TBC1D5: variants seen among roughly 807,000 people sequenced by gnomAD.
The protein encoded by TBC1D5 is TBC1 domain family, member 5.
In TBC1D5, 75 loss-of-function variants were observed where a neutral mutation model predicts 100.3. The observed-to-expected ratio is 0.75, with a 90% CI of 0.62 to 0.91. TBC1D5 has a LOEUF of 0.91. Among genes scored for constraint, TBC1D5 ranks in the 40% least tolerant of loss-of-function variants. The probability of loss-of-function intolerance (pLI) is 0.00; values close to 1 mark genes in which losing one functional copy is unlikely to be tolerated. For missense variants in TBC1D5, 910 were observed against 942.4 expected (o/e 0.97, Z 0.45); for synonymous variants, 323 against 325.6 (o/e 0.99, Z 0.09).
chr3:17,481,106 G>A (rs554959129), intron 3 of TBC1D5, among the ~76,000 whole-genome samples: 73 of 152,224 alleles, frequency 4.8e-4, no homozygotes, highest in African/African-American at 1.5e-3. Flanking sequence ...CCAAGCTTCC[G>A]GGTGCCATCA....
rs147314499 is a variant in TBC1D5 at position 17,410,080 on chromosome 3, GAC to G, written c.168-3556_168-3555del. Among the ~76,000 whole-genome samples the G allele has an allele frequency of 4.5e-3, 690 of 152,194 alleles. 9 individuals are homozygous for G. The East Asian group carries it at 0.063, about 14-fold the overall frequency. On this transcript the variant is annotated intron_variant, in intron 4 of 21. Transcript: ENST00000253692. ...AAGGCCTGGTTTCAGAGCTTCAAAGGACAGGCTGTTCTCTTGTTACAGGATAA... is the reference window on the plus strand; with the variant it reads ...AAGGCCTGGTTTCAGAGCTTCAAAGGAGGCTGTTCTCTTGTTACAGGATAA...
At chr3:17,164,588 C>T (rs991510107) in intron 21 of TBC1D5, among the ~76,000 whole-genome samples, 7 of 152,320 alleles carry the variant, frequency 4.6e-5, no homozygotes, top group South Asian at 2.1e-4. Context: ...GCTCTCTTGG[C>T]GCATGTTCCT....
chr3:17,475,579 A>G (rs1479394994), intron 3 of TBC1D5, among the ~76,000 whole-genome samples: 1 of 151,994 alleles, frequency 6.6e-6, no homozygotes, highest in African/African-American at 2.4e-5. Flanking sequence ...CCTAAATCAA[A>G]AATATATCCG....
chr3:17,621,442 G>C (rs2062649659), intron 2 of TBC1D5, among the ~76,000 whole-genome samples: 1 of 152,140 alleles, frequency 6.6e-6, no homozygotes, highest in Non-Finnish European at 1.5e-5. Flanking sequence ...ACAGATAAAA[G>C]ATAATCCTGC....
chr3:17,581,165 G>A (rs1576825831), intron 2 of TBC1D5, among the ~76,000 whole-genome samples: 1 of 152,300 alleles, frequency 6.6e-6, no homozygotes, highest in Middle Eastern at 3.4e-3. Flanking sequence ...TCTCTTGCCT[G>A]TGCCATGTAA....
intron 2 of TBC1D5, among the ~76,000 whole-genome samples, chr3:17,589,708 T>C (rs1338992390): frequency 6.6e-6 from 1 of 152,228 alleles, no homozygotes; most frequent in African/African-American, 2.4e-5. Context: ...AATCACTTCG[T>C]ATTTTAATTG....
intron 2 of TBC1D5, among the ~76,000 whole-genome samples, chr3:17,596,030 T>G (rs1560239207): frequency 6.6e-6 from 1 of 152,186 alleles, no homozygotes. Flanking sequence ...GATCTCATTG[T>G]TCTAAGGCTG....
chr3:17,384,809 G>C (rs2093086055), intron 8 of TBC1D5, among the ~76,000 whole-genome samples: 1 of 152,018 alleles, frequency 6.6e-6, no homozygotes, highest in Non-Finnish European at 1.5e-5. Context: ...CTGCCTGCTG[G>C]GAGCAGGACA....
intron 3 of TBC1D5, among the ~76,000 whole-genome samples, chr3:17,478,083 T>G (rs1388758407): frequency 6.6e-6 from 1 of 152,210 alleles, no homozygotes; most frequent in East Asian, 1.9e-4. Flanking sequence ...TGCAATACAT[T>G]TTTAATCTGG....
At chr3:17,713,244 C>CTTTTTT (rs770932378) in intron 1 of TBC1D5, among the ~76,000 whole-genome samples, 1 of 139,848 alleles carries the variant, frequency 7.2e-6, no homozygotes, top group African/African-American at 2.6e-5. Flanking sequence ...CTTTTCTTTT[C>CTTTTTT]TTTTTTTTTT....
intron 1 of TBC1D5, among the ~76,000 whole-genome samples, chr3:17,677,932 G>A (rs1166135505): frequency 1.3e-5 from 2 of 152,138 alleles, no homozygotes; most frequent in Non-Finnish European, 2.9e-5. Context: ...TCACTCATAG[G>A]TGGGAATTGA....
chr3:17,667,887 T>G (rs1212334953), intron 1 of TBC1D5, among the ~76,000 whole-genome samples: 1 of 152,014 alleles, frequency 6.6e-6, no homozygotes. Context: ...CAAACACTTA[T>G]GAAATGATAC....
intron 2 of TBC1D5, among the ~76,000 whole-genome samples, chr3:17,575,675 A>T (rs1280665321): frequency 6.6e-6 from 1 of 152,142 alleles, no homozygotes; most frequent in Non-Finnish European, 1.5e-5. Flanking sequence ...TTATGTCATG[A>T]GAACATAAGA....
chr3:17,648,789 C>T (rs1484223753), intron 1 of TBC1D5, among the ~76,000 whole-genome samples: 4 of 152,176 alleles, frequency 2.6e-5, no homozygotes, highest in African/African-American at 9.7e-5. Flanking sequence ...CACCACCTCA[C>T]ACCAGTCAAA....
intron 17 of TBC1D5, among the ~76,000 whole-genome samples, chr3:17,231,059 G>C (rs77274338): frequency 0.038 from 5,742 of 152,124 alleles, 188 homozygotes; most frequent in East Asian, 0.18. Flanking sequence ...TTGACCTGTA[G>C]TTGGCTGAAT....
intron 17 of TBC1D5, among the ~76,000 whole-genome samples, chr3:17,236,900 G>A (rs1479468016): frequency 6.6e-6 from 1 of 152,096 alleles, no homozygotes; most frequent in Non-Finnish European, 1.5e-5. Context: ...GTAACCAATA[G>A]AGGAATACAG....
chr3:17,667,237 T>G (rs1234429646), intron 1 of TBC1D5, among the ~76,000 whole-genome samples: 1 of 152,134 alleles, frequency 6.6e-6, no homozygotes, highest in East Asian at 1.9e-4. Flanking sequence ...AGCAGCAAAA[T>G]ACTTCGAGCA....
At chr3:17,602,385 G>A (rs907100509) in intron 2 of TBC1D5, among the ~76,000 whole-genome samples, 2 of 151,844 alleles carry the variant, frequency 1.3e-5, no homozygotes, top group East Asian at 1.9e-4. Context: ...TCTTCACTCC[G>A]AAATACACGA....
chr3:17,244,344 A>G (rs2076549841), intron 16 of TBC1D5, among the ~76,000 whole-genome samples: 1 of 152,164 alleles, frequency 6.6e-6, no homozygotes. Flanking sequence ...AGACAAAAGG[A>G]CCAAATAAGA....
Sources: gnomAD v4.1 joint callset for allele counts (sites outside exome capture counted in the v4.1 genomes callset) on GRCh38, gnomAD v4.1.1 for gene constraint, MANE v1.5 for transcripts, NCBI Gene and HGNC (gene_info 2026-07-23, HGNC 2026-07-21) for gene names.